The following DDX43 variants were observed in gnomAD, a reference collection of about 807,000 sequenced individuals.
DDX43 encodes the protein probable ATP-dependent RNA helicase DDX43.
Under a neutral mutation model 84.9 loss-of-function variants are expected in DDX43, and 50 were observed. That is an observed-to-expected ratio of 0.59 (90% confidence interval 0.47 to 0.75). The LOEUF is 0.75. DDX43 is among the 30% of genes least tolerant of loss of function. The probability of loss-of-function intolerance (pLI) is 0.00; values close to 1 mark genes in which losing one functional copy is unlikely to be tolerated. For missense variants in DDX43, 689 were observed against 798.6 expected, an observed-to-expected ratio of 0.86 and a Z score of 1.65; for synonymous variants, 291 against 266.3, an observed-to-expected ratio of 1.09 and a Z score of -0.90.
chr6:73,396,343 AGGTGTATTTCAC>A (rs1442191888), intron 1 of DDX43, among the ~76,000 whole-genome samples: 1 of 152,214 alleles, frequency 6.6e-6, no homozygotes, highest in Non-Finnish European at 1.5e-5. Context: ...TTTACCTATT[AGGTGTATTTCAC>A]CCTTTTTAAA....
intron 1 of DDX43, among the ~76,000 whole-genome samples, chr6:73,395,419 A>G (rs1769447133): frequency 6.6e-6 from 1 of 152,156 alleles, no homozygotes; most frequent in Admixed American, 6.5e-5. Context: ...AGCTTGGCCA[A>G]CATGGCAAAA....
chr6:73,414,050 G>A lies in DDX43; in HGVS notation c.1577G>A (p.Arg526Gln), dbSNP rs752552598. The A allele has an allele frequency of 1.4e-5, 23 of 1,607,022 alleles. No homozygotes were observed. The highest frequency in any genetic ancestry group is 2.2e-5 in the East Asian group (1 of 44,776). The change falls in exon 13 of 17, where the codon CGG becomes CAG. Residue 526 changes from arginine (R) to glutamine (Q), a missense_variant. Transcript: ENST00000370336. ...CATGGAGATAGAGAACAGAGAGATC[G>A]GGAGAAAGCATTAGAGAACTTTAAA... ...SLHGDREQRD[R>Q]EKALENFKTG...
chr6:73,408,483 G>A (rs1365201380), intron 9 of DDX43, among the ~76,000 whole-genome samples: 2 of 151,980 alleles, frequency 1.3e-5, no homozygotes, highest in Non-Finnish European at 2.9e-5. Flanking sequence ...CCCTCCCCTT[G>A]AGCTTTTAAT....
Position 73,407,869 on chromosome 6 carries a change from G to A in DDX43, c.1038-91G>A, listed in dbSNP as rs544258366. 3.5e-4 allele frequency: 452 copies of A among 1,289,058 alleles called. 2 individuals are homozygous for A. The South Asian group carries it at 5.2e-3, about 15-fold the overall frequency. The allele number at this position is 1,289,058 out of a possible 1,614,324, so 79.9% of individuals were successfully genotyped here. ...GGGGCAGATACCCCTAAAGGTACCTGATAATTGATTTTTATCCCTTTTATT... is the reference window on the plus strand; with the variant it reads ...GGGGCAGATACCCCTAAAGGTACCTAATAATTGATTTTTATCCCTTTTATT... On this transcript the variant is annotated intron_variant, in intron 8 of 16. Transcript: ENST00000370336.
intron 2 of DDX43, among the ~76,000 whole-genome samples, chr6:73,398,789 C>A (rs191823613): frequency 1.3e-5 from 2 of 152,198 alleles, no homozygotes; most frequent in East Asian, 3.9e-4. Context: ...TCTGACTATC[C>A]ACATTGGTAT....
At chr6:73,397,616 T>G (rs1769497423) in intron 1 of DDX43, 73 bp from the exon 2 acceptor site, 1 of 1,214,374 alleles carries the variant, frequency 8.2e-7, no homozygotes. Flanking sequence ...GAATGTTTGT[T>G]GAGGAAAATG....
intron 10 of DDX43, among the ~76,000 whole-genome samples, chr6:73,411,990 G>A (rs757829210): frequency 3.3e-5 from 5 of 152,192 alleles, no homozygotes; most frequent in Admixed American, 6.5e-5. Context: ...GAGCCACTGG[G>A]CCCAGCCAAA....
intron 6 of DDX43, among the ~76,000 whole-genome samples, 190 bp downstream of exon 6, chr6:73,406,025 CTTTTT>C (rs149776059): frequency 7.4e-6 from 1 of 135,678 alleles, no homozygotes. Context: ...AAAATATGTA[CTTTTT>C]TTTTTTTTTT....
chr6:73,397,486 C>T (rs985091249), intron 1 of DDX43, among the ~76,000 whole-genome samples: 1 of 152,126 alleles, frequency 6.6e-6, no homozygotes, highest in Admixed American at 6.6e-5. Context: ...ATAGTCTCCA[C>T]CTGTCTGGGA....
chr6:73,395,285 C>G, intron 1 of DDX43, 130 bp downstream of exon 1: 1 of 1,185,784 alleles, frequency 8.4e-7, no homozygotes, highest in East Asian at 2.6e-5. Flanking sequence ...TCTCCCAGAG[C>G]TATTTGTAAA....
intron 7 of DDX43, 72 bp from the exon 8 acceptor site, chr6:73,407,433 T>A: frequency 9.3e-7 from 1 of 1,074,438 alleles, no homozygotes. Flanking sequence ...GCTACAAATC[T>A]TGATGGTACT....
rs376258603 is a variant in DDX43 at position 73,412,638 on chromosome 6, A to ATAGT, written c.1368+346_1368+347insTAGT. ...CTGGGTTCAAGTGATATATATATATAGTGTGTGTGTGTGTGTGTGTGTGTG... is the reference window on the plus strand; with the variant it reads ...CTGGGTTCAAGTGATATATATATATATAGTGTGTGTGTGTGTGTGTGTGTGTGTG... On this transcript the variant is annotated intron_variant, in intron 11 of 16. Coordinates refer to ENST00000370336, the MANE Select transcript of DDX43 (RefSeq NM_018665.3). 1.8e-4 allele frequency among the ~76,000 whole-genome samples: 11 copies of ATAGT among 59,714 alleles called. 1 individual carries two copies. The highest frequency in any genetic ancestry group is 2.5e-4 in the Non-Finnish European group (6 of 24,450). The allele number at this position is 59,714 out of a possible 152,430, so 39.2% of individuals were successfully genotyped here. A position where few individuals can be genotyped will look rare whatever the true frequency, so the allele number is the denominator to read the frequency against.
chr6:73,399,194 G>A (rs1468528916), intron 2 of DDX43, among the ~76,000 whole-genome samples: 2 of 152,008 alleles, frequency 1.3e-5, no homozygotes, highest in African/African-American at 2.4e-5. Flanking sequence ...TAATCCACCC[G>A]CCTCAGCCTC....
intron 3 of DDX43, 50 bp from the exon 4 acceptor site, chr6:73,401,801 CAAAAAAAA>C: frequency 1.1e-5 from 12 of 1,086,834 alleles, no homozygotes; most frequent in Admixed American, 3.8e-5. Flanking sequence ...GACTCCATCT[CAAAAAAAA>C]AAAAAAAAAA....
chr6:73,412,764 T>G (rs1439904377), intron 11 of DDX43, among the ~76,000 whole-genome samples: 1 of 151,510 alleles, frequency 6.6e-6, no homozygotes, highest in African/African-American at 2.4e-5. Flanking sequence ...AGAGTCTCAC[T>G]GTATTGCCCA....
At chr6:73,411,363 C>CT (rs1393400180) in intron 10 of DDX43, among the ~76,000 whole-genome samples, 1 of 147,310 alleles carries the variant, frequency 6.8e-6, no homozygotes, top group African/African-American at 2.5e-5. Context: ...GAGTCTCACT[C>CT]TGTCACCCAG....
At chr6:73,410,204 ACACT>A (rs1328158243) in intron 10 of DDX43, among the ~76,000 whole-genome samples, 1 of 152,200 alleles carries the variant, frequency 6.6e-6, no homozygotes, top group African/African-American at 2.4e-5. Flanking sequence ...AGTCTCGCTG[ACACT>A]CAAGCTGGAG....
intron 1 of DDX43, among the ~76,000 whole-genome samples, chr6:73,396,759 C>T (rs750285199): frequency 1.4e-4 from 21 of 152,180 alleles, no homozygotes; most frequent in Non-Finnish European, 2.5e-4. Context: ...AGGGACCCAC[C>T]ATTTACATTG....
intron 5 of DDX43, 31 bp from the exon 6 acceptor site, chr6:73,405,648 G>A (rs1230814780): frequency 6.2e-7 from 1 of 1,607,674 alleles, no homozygotes; most frequent in Admixed American, 1.7e-5. Context: ...GTAAAGTGAG[G>A]AAAGCCACTG....
Sources: gnomAD v4.1 joint callset for allele counts (sites outside exome capture counted in the v4.1 genomes callset) on GRCh38, gnomAD v4.1.1 for gene constraint, MANE v1.5 for transcripts, NCBI Gene and HGNC (gene_info 2026-07-23, HGNC 2026-07-21) for gene names.